KDM4C: variants seen among roughly 807,000 people sequenced by gnomAD.
KDM4C encodes the protein lysine-specific demethylase 4C.
In KDM4C, 81 loss-of-function variants were observed where a neutral mutation model predicts 129.3. The observed-to-expected ratio is 0.63, with a 90% CI of 0.52 to 0.75. The LOEUF (loss-of-function observed/expected upper bound fraction) is 0.75. Among genes scored for constraint, KDM4C ranks in the 30% least tolerant of loss-of-function variants. The pLI, the probability that KDM4C is intolerant of heterozygous loss-of-function variation, is 0.00. For missense variants in KDM4C, 1,457 were observed against 1,304.0 expected (o/e 1.12, Z -1.81); for synonymous variants, 573 against 456.1 (o/e 1.26, Z -3.26).
rs1213678212 is a variant in KDM4C, at chr9:7,174,933, T to C, written c.*204T>C. The stretch of plus-strand genomic sequence containing the variant: ...GGACGCAGCAATCTGAAATCATCTC[T>C]AGTCTTGCTTTCACTTGTGAGCAGT... On this transcript the variant is annotated 3_prime_UTR_variant, in exon 22 of 22. Coordinates refer to ENST00000381309, the MANE Select transcript of KDM4C (RefSeq NM_015061.6). The C allele has an allele frequency of 4.2e-6, 2 of 478,664 alleles. No homozygotes were observed. The highest frequency in any genetic ancestry group is 1.9e-5 in the African/African-American group (1 of 52,588). 29.7% of individuals were successfully genotyped at this position (478,664 alleles called of 1,614,324 possible).
chr9:6,942,993 G>C (rs528229270), intron 8 of KDM4C, among the ~76,000 whole-genome samples: 1 of 152,150 alleles, frequency 6.6e-6, no homozygotes, highest in South Asian at 2.1e-4. Flanking sequence ...AGCCTCCTGA[G>C]TAGCTACGAC....
intron 1 of KDM4C, among the ~76,000 whole-genome samples, chr9:6,781,674 A>G (rs1001564641): frequency 6.6e-6 from 1 of 152,184 alleles, no homozygotes; most frequent in Non-Finnish European, 1.5e-5. Flanking sequence ...ACTTGTTTGC[A>G]TTATGAGAGC....
At chr9:6,964,120 A>G (rs1165002373) in intron 8 of KDM4C, among the ~76,000 whole-genome samples, 3 of 152,172 alleles carry the variant, frequency 2.0e-5, no homozygotes, top group Non-Finnish European at 2.9e-5. Flanking sequence ...TTTAAGTTCT[A>G]GGCTACATGT....
intron 17 of KDM4C, among the ~76,000 whole-genome samples, chr9:7,051,292 T>G (rs1268064763): frequency 6.6e-6 from 1 of 152,196 alleles, no homozygotes; most frequent in Non-Finnish European, 1.5e-5. Context: ...ACTGAAAGTC[T>G]GGATTCTTTT....
chr9:6,819,785 G>A (rs963917908), intron 4 of KDM4C, among the ~76,000 whole-genome samples: 2 of 152,194 alleles, frequency 1.3e-5, no homozygotes, highest in African/African-American at 2.4e-5. Context: ...TCATTGTAAT[G>A]AATGTGCATT....
At chr9:6,962,525 G>C (rs979488298) in intron 8 of KDM4C, among the ~76,000 whole-genome samples, 4 of 152,096 alleles carry the variant, frequency 2.6e-5, no homozygotes, top group Non-Finnish European at 5.9e-5. Flanking sequence ...TTTTTAATCA[G>C]TATGATTTTA....
chr9:7,028,775 G>T (rs541945158), intron 15 of KDM4C, among the ~76,000 whole-genome samples: 17 of 152,240 alleles, frequency 1.1e-4, no homozygotes, highest in African/African-American at 2.9e-4. Context: ...ACGTGGACTG[G>T]TTAAATATTC....
chr9:6,866,034 C>A (rs1402616004), intron 5 of KDM4C, among the ~76,000 whole-genome samples: 3 of 152,130 alleles, frequency 2.0e-5, no homozygotes, highest in South Asian at 4.1e-4. Flanking sequence ...ATTCACCGTG[C>A]CTGGCCACCC....
At chr9:7,106,675 T>C (rs952167882) in intron 18 of KDM4C, among the ~76,000 whole-genome samples, 7 of 152,164 alleles carry the variant, frequency 4.6e-5, no homozygotes, top group Non-Finnish European at 7.3e-5. Flanking sequence ...AATTAATATA[T>C]TTTTAAAATA....
At chr9:6,953,694 C>A (rs1017500551) in intron 8 of KDM4C, among the ~76,000 whole-genome samples, 1 of 152,120 alleles carries the variant, frequency 6.6e-6, no homozygotes, top group African/African-American at 2.4e-5. Context: ...TGATTTGTGA[C>A]CTTTGAGAGA....
At chr9:6,798,109 G>T (rs1051793968) in intron 2 of KDM4C, among the ~76,000 whole-genome samples, 5 of 152,264 alleles carry the variant, frequency 3.3e-5, no homozygotes, top group Middle Eastern at 3.4e-3. Flanking sequence ...TATTCCATTT[G>T]AACTCTTTAA....
intron 1 of KDM4C, among the ~76,000 whole-genome samples, chr9:6,788,519 TA>T (rs1388604862): frequency 3.3e-5 from 5 of 152,252 alleles, no homozygotes; most frequent in African/African-American, 1.2e-4. Flanking sequence ...ATCTGTTTTC[TA>T]AGTAACTTTT....
At chr9:6,887,304 C>T (rs1004166289) in intron 6 of KDM4C, among the ~76,000 whole-genome samples, 13 of 152,138 alleles carry the variant, frequency 8.5e-5, no homozygotes, top group African/African-American at 2.9e-4. Context: ...TCTGTCTTGG[C>T]GTATAATATA....
chr9:6,836,090 G>T (rs1202909510), intron 4 of KDM4C, among the ~76,000 whole-genome samples: 1 of 152,096 alleles, frequency 6.6e-6, no homozygotes, highest in Non-Finnish European at 1.5e-5. Context: ...TGGTCTCCCT[G>T]GGAGTGGGTA....
At chr9:6,993,651 G>C (rs150860327) in intron 12 of KDM4C, among the ~76,000 whole-genome samples, 1 of 152,192 alleles carries the variant, frequency 6.6e-6, no homozygotes, top group African/African-American at 2.4e-5. Flanking sequence ...ATGCTCTGGT[G>C]CACCCGTGCA....
At chr9:6,975,197 A>G (rs765066453) in intron 8 of KDM4C, among the ~76,000 whole-genome samples, 8 of 152,198 alleles carry the variant, frequency 5.3e-5, no homozygotes, top group Non-Finnish European at 1.0e-4. Context: ...ATCTGAACCT[A>G]TTAGAAGTGG....
chr9:7,074,793 A>G (rs186829378), intron 17 of KDM4C, among the ~76,000 whole-genome samples: 4 of 152,304 alleles, frequency 2.6e-5, no homozygotes, highest in East Asian at 3.9e-4. Context: ...TCACTAAGAT[A>G]ATGAGTGAGC....
chr9:6,856,912 C>A (rs962007466), intron 5 of KDM4C, among the ~76,000 whole-genome samples: 1 of 151,928 alleles, frequency 6.6e-6, no homozygotes, highest in Admixed American at 6.6e-5. Context: ...CGCCCGCCAC[C>A]GCGCCCGGCT....
chr9:6,905,224 A>T (rs188113055), intron 8 of KDM4C, among the ~76,000 whole-genome samples: 1 of 152,214 alleles, frequency 6.6e-6, no homozygotes, highest in Non-Finnish European at 1.5e-5. Flanking sequence ...TCAGTATGCC[A>T]ACAGGGATAC....
Sources: gnomAD v4.1 joint callset for allele counts (sites outside exome capture counted in the v4.1 genomes callset) on GRCh38, gnomAD v4.1.1 for gene constraint, MANE v1.5 for transcripts, NCBI Gene and HGNC (gene_info 2026-07-23, HGNC 2026-07-21) for gene names.